SYT16: variants seen among roughly 807,000 people sequenced by gnomAD.
SYT16 encodes synaptotagmin 16, also known as synaptotagmin-16.
In SYT16, 42 loss-of-function variants were observed where a neutral mutation model predicts 61.4. That is an observed-to-expected ratio of 0.68 (90% CI 0.53 to 0.89). The LOEUF is 0.89. Among genes scored for constraint, SYT16 ranks in the 40% least tolerant of loss-of-function variants. The probability of loss-of-function intolerance (pLI) is 0.00; values close to 1 mark genes in which losing one functional copy is unlikely to be tolerated. For missense variants in SYT16, 804 were observed against 807.3 expected (o/e 1.00, Z 0.05); for synonymous variants, 314 against 302.3 (o/e 1.04, Z -0.40).
chr14:61,888,106 G>A (rs1354967839), intron 1 of SYT16, among the ~76,000 whole-genome samples: 1 of 149,940 alleles, frequency 6.7e-6, no homozygotes, highest in Non-Finnish European at 1.5e-5. Flanking sequence ...TTATTAATTG[G>A]CCTAATTTCT....
chr14:62,083,154 T>TC (rs1555383659), intron 6 of SYT16, among the ~76,000 whole-genome samples: 4 of 152,076 alleles, frequency 2.6e-5, no homozygotes, highest in East Asian at 1.9e-4. Flanking sequence ...TCAGGTTAGG[T>TC]GGGGGGCGCT....
chr14:61,866,661 G>A lies in SYT16; in HGVS notation c.-325+53851G>A, dbSNP rs77643781. Among the ~76,000 whole-genome samples, 143 of 152,158 alleles carry A rather than the reference G, an allele frequency of 9.4e-4. 1 individual carries two copies. Among genetic ancestry groups the A allele is most frequent in the African/African-American group, 3.3e-3 (138 of 41,546 alleles). On this transcript the variant is annotated intron_variant, in intron 1 of 7. Transcript: ENST00000683842. ...TGAGGGTTCTTTAGTGTGCATACAA[G>A]TTCTTTGTCAGATATGTATTTTGCA...
intron 1 of SYT16, among the ~76,000 whole-genome samples, chr14:61,901,664 C>T (rs1245880162): frequency 6.6e-6 from 1 of 151,826 alleles, no homozygotes; most frequent in Non-Finnish European, 1.5e-5. Flanking sequence ...TGGTCTTCAT[C>T]TTTCAAGTGC....
At chr14:61,929,724 T>C (rs1288000769) in intron 1 of SYT16, among the ~76,000 whole-genome samples, 1 of 152,220 alleles carries the variant, frequency 6.6e-6, no homozygotes, top group Admixed American at 6.5e-5. Context: ...TATTTTTCTC[T>C]ACGCATGTTT....
At chr14:61,825,999 A>G (rs1566610910) in intron 1 of SYT16, among the ~76,000 whole-genome samples, 1 of 152,248 alleles carries the variant, frequency 6.6e-6, no homozygotes, top group East Asian at 1.9e-4. Flanking sequence ...GAGTGCTTTC[A>G]TAGTGCATCA....
intron 1 of SYT16, among the ~76,000 whole-genome samples, chr14:61,944,786 T>C (rs2050353280): frequency 6.6e-6 from 1 of 152,136 alleles, no homozygotes. Flanking sequence ...ATACAAACCC[T>C]AGAAGAAAAC....
At chr14:61,934,001 G>T in intron 1 of SYT16, among the ~76,000 whole-genome samples, 1 of 151,904 alleles carries the variant, frequency 6.6e-6, no homozygotes, top group East Asian at 1.9e-4. Flanking sequence ...ATGTATACAA[G>T]TACATAGTCA....
At chr14:62,019,378 GA>G (rs961700597) in intron 3 of SYT16, among the ~76,000 whole-genome samples, 66 of 152,262 alleles carry the variant, frequency 4.3e-4, no homozygotes, top group African/African-American at 1.5e-3. Context: ...GCGTGTGTGT[GA>G]AGACCCTGGT....
chr14:61,887,984 C>T (rs1368900584), intron 1 of SYT16, among the ~76,000 whole-genome samples: 1 of 152,198 alleles, frequency 6.6e-6, no homozygotes, highest in African/African-American at 2.4e-5. Flanking sequence ...CTTTTACCGT[C>T]TTGGCTTTTC....
chr14:62,043,176 A>AT (rs1202474718), intron 3 of SYT16, among the ~76,000 whole-genome samples: 3 of 119,396 alleles, frequency 2.5e-5, no homozygotes, highest in Non-Finnish European at 5.4e-5. Flanking sequence ...TACTTCATTT[A>AT]TTTTTCTCGT....
chr14:62,020,407 C>T (rs543691872), intron 3 of SYT16, among the ~76,000 whole-genome samples: 2 of 146,566 alleles, frequency 1.4e-5, no homozygotes, highest in African/African-American at 4.9e-5. Flanking sequence ...CCGCATACAC[C>T]TCTCCCTCTC....
chr14:61,877,612 A>G (rs935492434), intron 1 of SYT16, among the ~76,000 whole-genome samples: 28 of 152,042 alleles, frequency 1.8e-4, no homozygotes, highest in Admixed American at 1.3e-4. Context: ...AGAGTGCTGG[A>G]CTCCCAGATC....
At chr14:62,027,316 G>A (rs1007105588) in intron 3 of SYT16, among the ~76,000 whole-genome samples, 5 of 152,100 alleles carry the variant, frequency 3.3e-5, no homozygotes, top group African/African-American at 9.7e-5. Context: ...CAATGATATC[G>A]ATGTAGGACC....
chr14:61,961,560 A>G (rs985929114), intron 1 of SYT16, among the ~76,000 whole-genome samples: 4 of 152,194 alleles, frequency 2.6e-5, no homozygotes, highest in Non-Finnish European at 4.4e-5. Flanking sequence ...TCAAAACCAC[A>G]AAGTGACATC....
intron 1 of SYT16, among the ~76,000 whole-genome samples, chr14:61,814,835 G>C (rs554096114): frequency 6.6e-6 from 1 of 152,190 alleles, no homozygotes; most frequent in Non-Finnish European, 1.5e-5. Flanking sequence ...AGTATTCTCA[G>C]TCAGTGTCTT....
At chr14:61,848,513 T>C (rs1247905833) in intron 1 of SYT16, among the ~76,000 whole-genome samples, 1 of 152,182 alleles carries the variant, frequency 6.6e-6, no homozygotes, top group Non-Finnish European at 1.5e-5. Context: ...GGGACTCTGA[T>C]GGTCAGACCT....
chr14:61,980,960 T>TTGTGTGTGTGTGTGTTTG (rs2052047535), intron 2 of SYT16, among the ~76,000 whole-genome samples: 1 of 149,006 alleles, frequency 6.7e-6, no homozygotes, highest in African/African-American at 2.5e-5. Flanking sequence ...GTGTGTGTGT[T>TTGTGTGTGTGTGTGTTTG]TGTGTGTGTG....
At chr14:61,937,953 T>C (rs965745057) in intron 1 of SYT16, among the ~76,000 whole-genome samples, 3 of 150,956 alleles carry the variant, frequency 2.0e-5, no homozygotes, top group African/African-American at 7.3e-5. Flanking sequence ...TTGAGGAGTT[T>C]ACAGTCCATT....
At chr14:62,097,276 C>T (rs2057301659) in intron 7 of SYT16, among the ~76,000 whole-genome samples, 1 of 152,096 alleles carries the variant, frequency 6.6e-6, no homozygotes, top group African/African-American at 2.4e-5. Flanking sequence ...ATGACCCATT[C>T]AGTGTTTTGC....
Sources: allele counts gnomAD v4.1 joint callset (sites outside exome capture counted in the v4.1 genomes callset), GRCh38; gene constraint gnomAD v4.1.1; transcripts MANE v1.5; gene names NCBI Gene and HGNC (gene_info 2026-07-23, HGNC 2026-07-21).